Variants in RREB1 observed in about 807,000 individuals in gnomAD.
RREB1 encodes the protein ras responsive element binding protein 1.
Under a neutral mutation model 117.8 loss-of-function variants are expected in RREB1, and 27 were observed. The ratio of observed to expected loss-of-function variants is 0.23; its 90% confidence interval spans 0.17 to 0.32. RREB1 has a LOEUF of 0.32. RREB1 is among the 10% of genes least tolerant of loss of function. RREB1 has a pLI of 1.00. For synonymous variants in RREB1, 1,298 were observed against 1,026.7 expected (o/e 1.26, Z -5.05); for missense variants, 2,577 against 2,378.2 (o/e 1.08, Z -1.74).
chr6:7,178,342 G>T (rs1764613040), intron 2 of RREB1, among the ~76,000 whole-genome samples: 1 of 152,156 alleles, frequency 6.6e-6, no homozygotes, highest in Non-Finnish European at 1.5e-5. Context: ...AGTATCAGAG[G>T]GTTTAGGTTG....
chr6:7,150,576 G>T (rs1004028648), intron 1 of RREB1, among the ~76,000 whole-genome samples: 9 of 152,218 alleles, frequency 5.9e-5, no homozygotes, highest in African/African-American at 2.2e-4. Flanking sequence ...ATACTGTCAG[G>T]CAAGGGAAAT....
At chr6:7,139,187 T>C (rs1762460328) in intron 1 of RREB1, 1 of 152,204 alleles carries the variant, frequency 6.6e-6, no homozygotes, top group African/African-American at 2.4e-5. Flanking sequence ...GGTGACTGGT[T>C]CTATTGCTGC....
intron 7 of RREB1, 45 bp downstream of exon 7, chr6:7,210,993 T>C (rs1250460998): frequency 1.3e-6 from 2 of 1,576,166 alleles, no homozygotes; most frequent in African/African-American, 1.4e-5. Context: ...AGGGGACTTC[T>C]GTCAGAAATA....
chr6:7,236,792 A>C (rs1581584954), intron 10 of RREB1, among the ~76,000 whole-genome samples: 1 of 141,362 alleles, frequency 7.1e-6, no homozygotes, highest in Non-Finnish European at 1.5e-5. Context: ...AACTATTCTC[A>C]CTGTTCACTC....
intron 11 of RREB1, among the ~76,000 whole-genome samples, chr6:7,243,922 G>A (rs964458369): frequency 1.3e-5 from 2 of 152,056 alleles, no homozygotes; most frequent in African/African-American, 4.8e-5. Context: ...TGTAGTCTAG[G>A]ATATACTGGG....
chr6:7,121,761 C>CTT (rs879732049), intron 1 of RREB1, among the ~76,000 whole-genome samples: 2 of 147,496 alleles, frequency 1.4e-5, no homozygotes, highest in African/African-American at 5.0e-5. Flanking sequence ...CGTTAATTAA[C>CTT]TTTTTTTTTT....
rs1009478908 is a variant in RREB1, at chr6:7,251,051, C to T, written c.*2083C>T. On this transcript the variant is annotated 3_prime_UTR_variant, in exon 13 of 13. Coordinates refer to ENST00000379938, the MANE Select transcript of RREB1 (RefSeq NM_001003699.4). ...TGGGGTTTCTTGTGTTTTTTCTTTG[C>T]GACTCTCCACACTAAACTTGCAATA... is the stretch of plus-strand genomic sequence containing the variant. 9 of 151,734 alleles carry T rather than the reference C, an allele frequency of 5.9e-5. No individual in the cohort carries two copies. The highest frequency in any genetic ancestry group is 1.0e-4 in the Non-Finnish European group (7 of 67,982). 9.4% of individuals were successfully genotyped at this position (151,734 alleles called of 1,614,324 possible).
intron 1 of RREB1, among the ~76,000 whole-genome samples, chr6:7,118,900 C>T (rs911220763): frequency 3.4e-5 from 5 of 147,468 alleles, no homozygotes; most frequent in Admixed American, 2.7e-4. Context: ...GCACTCACCT[C>T]GGCCTCCCAA....
At chr6:7,199,712 G>A (rs1189605512) in intron 6 of RREB1, among the ~76,000 whole-genome samples, 1 of 151,914 alleles carries the variant, frequency 6.6e-6, no homozygotes, top group Non-Finnish European at 1.5e-5. Flanking sequence ...CTCCCAGGGT[G>A]GAGTGCAGTG....
At chr6:7,142,045 G>T (rs1276536288) in intron 1 of RREB1, among the ~76,000 whole-genome samples, 1 of 150,444 alleles carries the variant, frequency 6.6e-6, no homozygotes, top group Admixed American at 6.6e-5. Context: ...AACCCCGTCT[G>T]TACTAAAAAA....
intron 1 of RREB1, among the ~76,000 whole-genome samples, chr6:7,168,143 T>G (rs1764043112): frequency 6.6e-6 from 1 of 150,886 alleles, no homozygotes; most frequent in African/African-American, 2.4e-5. Flanking sequence ...TAATCCCAGC[T>G]ACTCGGGAGG....
chr6:7,158,786 A>C (rs1438558467), intron 1 of RREB1, among the ~76,000 whole-genome samples: 2 of 152,184 alleles, frequency 1.3e-5, no homozygotes, highest in Admixed American at 6.5e-5. Context: ...GAAATATTTG[A>C]GGGCCTAAAG....
At position 7,141,276 on chromosome 6, in the gene RREB1, C is replaced by T. The variant is rs563822130; in HGVS notation, c.-285+33216C>T. 4.5e-3 allele frequency among the ~76,000 whole-genome samples: 683 copies of T among 152,270 alleles called. 6 individuals are homozygous for T. Among genetic ancestry groups the T allele is most frequent in the Middle Eastern group, 0.017 (5 of 292 alleles). ...CGGTGTTCGTTCGCGCTGGCGTTCC[C>T]CCGTGAGTAGAGCCGCGTCTTCCAG... On this transcript the variant is annotated intron_variant, in intron 1 of 12. Transcript: ENST00000379938.
intron 1 of RREB1, among the ~76,000 whole-genome samples, chr6:7,169,463 TGAA>T (rs1475858279): frequency 6.6e-6 from 1 of 152,206 alleles, no homozygotes; most frequent in Non-Finnish European, 1.5e-5. Context: ...GCAGGCAGGC[TGAA>T]AAACAATGTT....
rs144788619 is a variant in RREB1 at position 7,230,370 on chromosome 6, G to A, written c.2271G>A (p.Leu757=). The A allele has an allele frequency of 1.1e-5, 18 of 1,592,352 alleles. No individual in the cohort carries two copies. In the South Asian group the frequency reaches 1.2e-4, roughly 11 times the overall value. Residue 757 remains leucine (L), a synonymous_variant, in exon 10 of 13, where the codon CTG becomes CTA. Transcript: ENST00000379938. ...AFCAPDTVCR[L]CGEDLKHYRA... is the part of the protein sequence containing the mutation. ...GCGCCCCGGACACCGTGTGCCGGCTGTGCGGCGAGGACCTCAAGCACTATC... is the reference window on the plus strand; with the variant it reads ...GCGCCCCGGACACCGTGTGCCGGCTATGCGGCGAGGACCTCAAGCACTATC...
At chr6:7,119,909 G>A (rs1761597133) in intron 1 of RREB1, among the ~76,000 whole-genome samples, 1 of 152,094 alleles carries the variant, frequency 6.6e-6, no homozygotes, top group African/African-American at 2.4e-5. Context: ...ATTTGATAAA[G>A]GTTTAAGAGG....
At chr6:7,198,767 C>G (rs148063171) in intron 6 of RREB1, among the ~76,000 whole-genome samples, 62 of 152,198 alleles carry the variant, frequency 4.1e-4, no homozygotes, top group Middle Eastern at 3.4e-3. Flanking sequence ...TTAAGAAGGG[C>G]TGAAACTTCT....
Position 7,249,053 on chromosome 6 carries a change from G to A in RREB1, c.*85G>A. ...GGGGTTTCCTCAGTGCCCTTTGGCT[G>A]TTGAGGAGTGAGAGAGAGAGAGAGA... On this transcript the variant is annotated 3_prime_UTR_variant, in exon 13 of 13. Coordinates refer to ENST00000379938, the MANE Select transcript of RREB1 (RefSeq NM_001003699.4). The A allele has an allele frequency of 1.0e-6, 1 of 956,662 alleles. No individual in the cohort carries two copies. The highest frequency in any genetic ancestry group is 1.5e-6 in the Non-Finnish European group (1 of 677,274). 59.3% of individuals were successfully genotyped at this position (956,662 alleles called of 1,614,324 possible).
rs202082071 is a variant in RREB1 at position 7,189,124 on chromosome 6, T to C, written c.262-35T>C. The C allele has an allele frequency of 6.9e-5, 110 of 1,586,504 alleles. 1 individual carries two copies. The African/African-American group carries it at 1.3e-3, about 18-fold the overall frequency. Reference sequence around the variant, plus strand: ...TAAGAGCTGAGCTTCTGATGCACTTTCTTAAGTGACCGCTGTGACCATTGC... The same window carrying C: ...TAAGAGCTGAGCTTCTGATGCACTTCCTTAAGTGACCGCTGTGACCATTGC... On this transcript the variant is annotated intron_variant, in intron 5 of 12. Coordinates refer to ENST00000379938, the MANE Select transcript of RREB1 (RefSeq NM_001003699.4).
Sources: gnomAD v4.1 joint callset for allele counts (sites outside exome capture counted in the v4.1 genomes callset) on GRCh38, gnomAD v4.1.1 for gene constraint, MANE v1.5 for transcripts, NCBI Gene and HGNC (gene_info 2026-07-23, HGNC 2026-07-21) for gene names.